Variants in INPP5B observed in about 807,000 individuals in gnomAD.
The protein encoded by INPP5B is type II inositol 1,4,5-trisphosphate 5-phosphatase.
In INPP5B, 90 loss-of-function variants were observed where a neutral mutation model predicts 118.5. That is an observed-to-expected ratio of 0.76 (90% confidence interval 0.64 to 0.90). The LOEUF (loss-of-function observed/expected upper bound fraction) is 0.90, where lower values mean the gene tolerates loss of function less well. INPP5B is among the 40% of genes least tolerant of loss of function. The pLI, the probability that INPP5B is intolerant of heterozygous loss-of-function variation, is 0.00. For missense variants in INPP5B, 984 were observed against 1,125.6 expected (o/e 0.87, Z 1.80); for synonymous variants, 385 against 418.9 (o/e 0.92, Z 0.99).
At chr1:37,888,939 T>C (rs576671778) in intron 9 of INPP5B, among the ~76,000 whole-genome samples, 1 of 152,288 alleles carries the variant, frequency 6.6e-6, no homozygotes, top group South Asian at 2.1e-4. Context: ...CAAGGGAGTA[T>C]AAAACCTTGG....
intron 7 of INPP5B, among the ~76,000 whole-genome samples, chr1:37,926,645 T>C (rs1473132570): frequency 6.6e-6 from 1 of 152,180 alleles, no homozygotes; most frequent in Non-Finnish European, 1.5e-5. Context: ...CTATTACTGC[T>C]TTGTTAAAAT....
At chr1:37,915,156 A>T (rs967907823) in intron 7 of INPP5B, among the ~76,000 whole-genome samples, 2 of 152,114 alleles carry the variant, frequency 1.3e-5, no homozygotes, top group African/African-American at 4.8e-5. Context: ...GACAGTGTTG[A>T]CCCTTGAGGT....
chr1:37,863,491 G>A (rs1641834243), intron 23 of INPP5B, among the ~76,000 whole-genome samples: 1 of 151,908 alleles, frequency 6.6e-6, no homozygotes, highest in African/African-American at 2.4e-5. Context: ...CTCCAGCCTG[G>A]CGACAGAGCG....
At chr1:37,931,799 C>G in intron 7 of INPP5B, 114 bp downstream of exon 7, 1 of 1,607,292 alleles carries the variant, frequency 6.2e-7, no homozygotes. Context: ...TGTGCCCGCT[C>G]CATCAATCGA....
chr1:37,942,780 G>T (rs1252035832), intron 5 of INPP5B, among the ~76,000 whole-genome samples: 2 of 151,862 alleles, frequency 1.3e-5, no homozygotes, highest in Non-Finnish European at 2.9e-5. Context: ...ATGGTGGCGG[G>T]TGCCTGTAAT....
At chr1:37,899,177 CAAA>C (rs34526336) in intron 7 of INPP5B, among the ~76,000 whole-genome samples, 1 of 117,112 alleles carries the variant, frequency 8.5e-6, no homozygotes. Context: ...GTGAAACTGT[CAAA>C]AAAAAAAAAA....
intron 7 of INPP5B, among the ~76,000 whole-genome samples, chr1:37,925,439 T>C (rs998814053): frequency 6.6e-6 from 1 of 152,160 alleles, no homozygotes; most frequent in South Asian, 2.1e-4. Flanking sequence ...TTTAGAGATA[T>C]CACTATGTTG....
intron 6 of INPP5B, 34 bp from the exon 7 acceptor site, chr1:37,932,087 C>T: frequency 2.6e-6 from 4 of 1,535,708 alleles, no homozygotes; most frequent in Non-Finnish European, 3.5e-6. Flanking sequence ...GACTGAGCCA[C>T]GAGCTTGAAG....
At position 37,873,162 on chromosome 1, in the gene INPP5B, G is replaced by C. The variant is rs1216972173; in HGVS notation, c.1955C>G (p.Ser652Cys). 1 of 1,607,772 alleles carries C rather than the reference G, an allele frequency of 6.2e-7. No individual in the cohort carries two copies. The highest frequency in any genetic ancestry group is 2.2e-5 in the East Asian group (1 of 44,870). Residue 652 changes from serine (S) to cysteine (C), a missense_variant, in exon 19 of 24, where the codon TCT (serine) becomes TGT (cysteine). Coordinates refer to ENST00000373024, the MANE Select transcript of INPP5B (RefSeq NM_005540.3). ...GAGCTCCAAGTCAATCTCAACATCA[G>C]AATCTGCAGAGAAATTTTAAAAATA... ...NPSRGFLLPD[S>C]DVEIDLELFV...
At position 37,940,723 on chromosome 1, in the gene INPP5B, C is replaced by T; in HGVS notation, c.356G>A (p.Arg119Lys). Residue 119 changes from arginine to lysine, a missense_variant, in exon 6 of 24, where the codon AGG becomes AAG. Transcript: ENST00000373024. ...VFQLPFGSQTRMFLHEVARAC... is the reference protein window; with the variant it reads ...VFQLPFGSQTKMFLHEVARAC... ...CCTGGCAACTTCGTGGAGGAACATC[C>T]TGGTTTGTGAACCAAAGGGCAGTTG... is the stretch of plus-strand genomic sequence containing the variant. The T allele has an allele frequency of 6.2e-7, 1 of 1,614,034 alleles. No homozygotes were observed. Among genetic ancestry groups the T allele is most frequent in the Non-Finnish European group, 8.5e-7 (1 of 1,179,930 alleles).
rs138076707 is a variant in INPP5B, at chr1:37,918,745, G to A, written c.532+13168C>T. ...ATGGAAGTAATGCTACCATATTTAC[G>A]GAGACCTCAAAAGGATAAACAAATA... On this transcript the variant is annotated intron_variant, in intron 7 of 23. Transcript: ENST00000373024. Among the ~76,000 whole-genome samples the A allele has an allele frequency of 1.6e-3, 237 of 152,170 alleles. 2 individuals carry two copies. The highest frequency in any genetic ancestry group is 5.1e-3 in the African/African-American group (212 of 41,518).
At chr1:37,889,968 C>T (rs1643747613) in intron 8 of INPP5B, among the ~76,000 whole-genome samples, 2 of 152,066 alleles carry the variant, frequency 1.3e-5, no homozygotes, top group Non-Finnish European at 2.9e-5. Context: ...AATCTCAGAC[C>T]AGAGGGGCAT....
intron 7 of INPP5B, among the ~76,000 whole-genome samples, chr1:37,927,356 T>C (rs1645269459): frequency 6.6e-6 from 1 of 151,502 alleles, no homozygotes; most frequent in Non-Finnish European, 1.5e-5. Flanking sequence ...AATCTACCGA[T>C]TCAACTACCA....
intron 7 of INPP5B, 134 bp downstream of exon 7, chr1:37,931,779 C>A (rs1362497996): frequency 5.0e-6 from 8 of 1,605,094 alleles, no homozygotes; most frequent in Non-Finnish European, 6.8e-6. Context: ...CCCAGACGAA[C>A]CCGCCCCCGT....
chr1:37,874,173 G>T lies in INPP5B; in HGVS notation c.1789-18C>A. On this transcript the variant is annotated intron_variant, in intron 17 of 23. Transcript: ENST00000373024. ...AAACAGAACTGGGAAGAAGCCCGGGGCCAGTGAAAACCAGTGCCCTTTCCT... is the reference window on the plus strand; with the variant it reads ...AAACAGAACTGGGAAGAAGCCCGGGTCCAGTGAAAACCAGTGCCCTTTCCT... 1.3e-6 allele frequency: 2 copies of T among 1,540,810 alleles called. No individual in the cohort carries two copies. Among genetic ancestry groups the T allele is most frequent in the Non-Finnish European group, 1.8e-6 (2 of 1,128,530 alleles).
At chr1:37,896,921 G>T in intron 7 of INPP5B, among the ~76,000 whole-genome samples, 1 of 126,216 alleles carries the variant, frequency 7.9e-6, no homozygotes, top group African/African-American at 3.0e-5. Context: ...CTGCCCAGCC[G>T]CCCCTACTGG....
intron 7 of INPP5B, among the ~76,000 whole-genome samples, chr1:37,913,880 G>T (rs1307829035): frequency 6.6e-6 from 1 of 152,124 alleles, no homozygotes. Context: ...ATCCACAAAA[G>T]AACTGAAAAT....
chr1:37,907,189 G>A lies in INPP5B; in HGVS notation c.533-15735C>T, dbSNP rs1229739317. Among the ~76,000 whole-genome samples the A allele has an allele frequency of 6.6e-6, 1 of 152,182 alleles. No individual in the cohort carries two copies. Among genetic ancestry groups the A allele is most frequent in the Non-Finnish European group, 1.5e-5 (1 of 68,040 alleles). Reference sequence around the variant, plus strand: ...TTGCTTTACCGTTGTGGAATACATTGCTGTTGTACTCTTTGTGTAGAAACG... The same window carrying A: ...TTGCTTTACCGTTGTGGAATACATTACTGTTGTACTCTTTGTGTAGAAACG... On this transcript the variant is annotated intron_variant, in intron 7 of 23. Coordinates refer to ENST00000373024, the MANE Select transcript of INPP5B (RefSeq NM_005540.3). The surrounding 1 kb of genome is among the most constrained non-coding windows in gnomAD (Gnocchi z 4.3).
chr1:37,893,085 CTTTTTTTTTT>C lies in INPP5B; in HGVS notation c.533-1641_533-1632del, dbSNP rs71053999. ...TATGTTTTTTTATTATTTTCTTTTT[CTTTTTTTTTT>C]TTTTTTTTTTTTTTTGGGACAGGGT... On this transcript the variant is annotated intron_variant, in intron 7 of 23. Coordinates refer to ENST00000373024, the MANE Select transcript of INPP5B (RefSeq NM_005540.3). 2.3e-3 allele frequency among the ~76,000 whole-genome samples: 189 copies of C among 81,420 alleles called. 3 individuals are homozygous for C. Among genetic ancestry groups the C allele is most frequent in the South Asian group, 7.7e-3 (19 of 2,478 alleles). The allele number at this position is 81,420 out of a possible 152,430, so 53.4% of individuals were successfully genotyped here.
Sources: gnomAD v4.1 joint callset for allele counts (sites outside exome capture counted in the v4.1 genomes callset) on GRCh38, gnomAD v4.1.1 for gene constraint, Gnocchi (gnomAD v3.1) non-coding constraint, MANE v1.5 for transcripts, NCBI Gene and HGNC (gene_info 2026-07-23, HGNC 2026-07-21) for gene names.